Variants in ANKS1B observed in about 807,000 individuals in gnomAD.
ANKS1B encodes the protein ankyrin repeat and sterile alpha motif domain containing 1B.
Under a neutral mutation model 148.3 loss-of-function variants are expected in ANKS1B, and 36 were observed. The observed-to-expected ratio is 0.24, with a 90% CI of 0.19 to 0.32. The LOEUF is 0.32. ANKS1B is among the 10% of genes least tolerant of loss of function. The pLI, the probability that ANKS1B is intolerant of heterozygous loss-of-function variation, is 1.00. For missense variants in ANKS1B, 1,157 were observed against 1,542.6 expected, an observed-to-expected ratio of 0.75 and a Z score of 4.19; for synonymous variants, 542 against 560.8, an observed-to-expected ratio of 0.97 and a Z score of 0.47.
chr12:99,631,945 G>C (rs1219596447), intron 9 of ANKS1B, among the ~76,000 whole-genome samples: 1 of 152,140 alleles, frequency 6.6e-6, no homozygotes, highest in Non-Finnish European at 1.5e-5. Context: ...ACACAAAAGG[G>C]AGCCAGGTGC....
At chr12:99,214,538 C>T (rs2083856443) in intron 14 of ANKS1B, among the ~76,000 whole-genome samples, 1 of 152,194 alleles carries the variant, frequency 6.6e-6, no homozygotes, top group Non-Finnish European at 1.5e-5. Flanking sequence ...TCACGTAAGA[C>T]ATGCCTTTGC....
intron 9 of ANKS1B, among the ~76,000 whole-genome samples, chr12:99,645,758 T>C (rs1567551584): frequency 6.6e-6 from 1 of 152,156 alleles, no homozygotes; most frequent in Non-Finnish European, 1.5e-5. Context: ...AAGGTAGTTT[T>C]CTAAACAGCT....
chr12:99,034,235 G>T (rs547376305), intron 17 of ANKS1B, among the ~76,000 whole-genome samples: 170 of 152,352 alleles, frequency 1.1e-3, no homozygotes, highest in Non-Finnish European at 1.9e-3. Context: ...GCATGCAAGA[G>T]AGCGGCAGGG....
At chr12:99,060,700 CATAT>C (rs71081895) in intron 16 of ANKS1B, among the ~76,000 whole-genome samples, 2 of 50,978 alleles carry the variant, frequency 3.9e-5, no homozygotes, top group African/African-American at 8.2e-5. Flanking sequence ...CACACACACA[CATAT>C]ATATAGAGAG....
chr12:98,868,514 T>C (rs1248848850), intron 17 of ANKS1B, among the ~76,000 whole-genome samples: 3 of 152,392 alleles, frequency 2.0e-5, no homozygotes, highest in Middle Eastern at 3.4e-3. Context: ...TGTTTAGCTG[T>C]GTAGACAAGG....
intron 12 of ANKS1B, among the ~76,000 whole-genome samples, chr12:99,303,924 C>T (rs1481873626): frequency 2.0e-5 from 3 of 152,156 alleles, no homozygotes; most frequent in African/African-American, 7.2e-5. Context: ...ATAATGGTCT[C>T]CGACTCCATC....
chr12:99,100,907 T>C (rs538634920), intron 15 of ANKS1B, among the ~76,000 whole-genome samples: 76 of 152,338 alleles, frequency 5.0e-4, no homozygotes, highest in African/African-American at 1.6e-3. Flanking sequence ...TACACAGCTT[T>C]GGATCAGGAA....
intron 14 of ANKS1B, among the ~76,000 whole-genome samples, chr12:99,171,277 C>G (rs181011428): frequency 4.7e-4 from 72 of 152,214 alleles, no homozygotes; most frequent in Middle Eastern, 3.4e-3. Flanking sequence ...GAAAAACTGA[C>G]AGTAAGAATT....
chr12:99,461,400 C>T (rs951798311), intron 10 of ANKS1B, among the ~76,000 whole-genome samples: 4 of 151,472 alleles, frequency 2.6e-5, no homozygotes, highest in African/African-American at 4.9e-5. Context: ...TAACCAAATA[C>T]GAACTGTTTC....
chr12:99,611,450 T>G (rs2097901952), intron 9 of ANKS1B, among the ~76,000 whole-genome samples: 2 of 152,132 alleles, frequency 1.3e-5, no homozygotes, highest in Admixed American at 1.3e-4. Flanking sequence ...AATATACATT[T>G]TGAGCATATC....
chr12:99,635,544 G>A (rs2098225352), intron 9 of ANKS1B, among the ~76,000 whole-genome samples: 1 of 152,064 alleles, frequency 6.6e-6, no homozygotes, highest in African/African-American at 2.4e-5. Context: ...GAGGTATCTA[G>A]AGTAGTCAAA....
At chr12:98,786,268 G>A (rs2098793832) in intron 22 of ANKS1B, among the ~76,000 whole-genome samples, 1 of 152,154 alleles carries the variant, frequency 6.6e-6, no homozygotes, top group Non-Finnish European at 1.5e-5. Flanking sequence ...AAAATACAAT[G>A]CAACATTTGA....
At chr12:99,199,863 G>T (rs2081859252) in intron 14 of ANKS1B, among the ~76,000 whole-genome samples, 1 of 152,102 alleles carries the variant, frequency 6.6e-6, no homozygotes, top group African/African-American at 2.4e-5. Context: ...CTTTATGTGT[G>T]ACCATCACAG....
At chr12:99,487,847 T>G (rs2096513378) in intron 10 of ANKS1B, among the ~76,000 whole-genome samples, 1 of 152,126 alleles carries the variant, frequency 6.6e-6, no homozygotes. Flanking sequence ...TCAAGCTTAT[T>G]AATTCTATTA....
chr12:98,807,095 T>G (rs2099056348), intron 20 of ANKS1B, among the ~76,000 whole-genome samples: 1 of 152,134 alleles, frequency 6.6e-6, no homozygotes. Flanking sequence ...TTCAAAAGGG[T>G]GTGAAAATAG....
intron 11 of ANKS1B, among the ~76,000 whole-genome samples, chr12:99,419,832 C>T (rs925728648): frequency 6.6e-5 from 10 of 152,072 alleles, no homozygotes; most frequent in Non-Finnish European, 1.2e-4. Context: ...CCGTGTCCAA[C>T]TAATTTTTTA....
In ANKS1B at chr12:99,316,175, G is replaced by A. The variant is rs1055790589; in HGVS notation, c.1757-69311C>T. Among the ~76,000 whole-genome samples the A allele has an allele frequency of 4.6e-5, 7 of 152,172 alleles. 1 individual carries two copies. In the East Asian group the frequency reaches 7.7e-4, roughly 17 times the overall value. On this transcript the variant is annotated intron_variant, in intron 12 of 26. Coordinates refer to ENST00000683438, the MANE Select transcript of ANKS1B (RefSeq NM_001352186.2). ...TAGCAGCATGATTTATAATCATTTCGGTATATACCCAGTAATGGGATTGCT... is the reference window on the plus strand; with the variant it reads ...TAGCAGCATGATTTATAATCATTTCAGTATATACCCAGTAATGGGATTGCT...
chr12:99,106,378 C>G (rs1011512226), intron 15 of ANKS1B, among the ~76,000 whole-genome samples: 2 of 152,312 alleles, frequency 1.3e-5, no homozygotes, highest in African/African-American at 4.8e-5. Flanking sequence ...AGGGTTAGGA[C>G]AAGGGTCAGA....
rs552980045 is a variant in ANKS1B, at chr12:98,915,896, GCCA to G, written c.2779-83763_2779-83761del. On this transcript the variant is annotated intron_variant, in intron 17 of 26. Transcript: ENST00000683438. Reference sequence around the variant, plus strand: ...TTCCTGCCGCCCCATCTAGCTCTCAGCCACCACATCTGGATGCCACGTCAGTCT... The same window carrying G: ...TTCCTGCCGCCCCATCTAGCTCTCAGCCACATCTGGATGCCACGTCAGTCT... Among the ~76,000 whole-genome samples the G allele has an allele frequency of 5.3e-5, 8 of 152,240 alleles. No homozygotes were observed. The South Asian group carries it at 1.7e-3, about 32-fold the overall frequency.
Sources: gnomAD v4.1 joint callset for allele counts (sites outside exome capture counted in the v4.1 genomes callset) on GRCh38, gnomAD v4.1.1 for gene constraint, MANE v1.5 for transcripts, NCBI Gene and HGNC (gene_info 2026-07-23, HGNC 2026-07-21) for gene names.